The following BIRC6 variants were observed in gnomAD, a reference collection of about 807,000 sequenced individuals.
BIRC6 encodes baculoviral IAP repeat containing 6.
A neutral mutation model predicts 503.3 loss-of-function variants in BIRC6; 98 were observed. That is an observed-to-expected ratio of 0.19 (90% confidence interval 0.17 to 0.23). The LOEUF (loss-of-function observed/expected upper bound fraction) is 0.23. Ranked by LOEUF, BIRC6 falls within the 10% of genes least tolerant of loss-of-function variation. The pLI is 1.00. For synonymous variants in BIRC6, 2,240 were observed against 2,078.7 expected, an observed-to-expected ratio of 1.08 and a Z score of -2.11; for missense variants, 5,360 against 5,806.0, an observed-to-expected ratio of 0.92 and a Z score of 2.50.
chr2:32,435,682 T>C (rs112368610), intron 14 of BIRC6, 97 bp downstream of exon 14: 2 of 1,320,116 alleles, frequency 1.5e-6, no homozygotes, highest in Non-Finnish European at 2.0e-6. Context: ...TTGCAAAAAC[T>C]TGGTTTCAAG....
intron 65 of BIRC6, chr2:32,574,530 G>A (rs1378270731): frequency 6.4e-6 from 1 of 156,010 alleles, no homozygotes; most frequent in Non-Finnish European, 1.4e-5. Context: ...ATTATATACT[G>A]TAAGGTAAGG....
In BIRC6 at chr2:32,414,755, G is replaced by T. The variant is rs773416366; in HGVS notation, c.1478-14G>T. The T allele has an allele frequency of 1.9e-6, 3 of 1,596,136 alleles. No individual in the cohort carries two copies. Among genetic ancestry groups the T allele is most frequent in the Middle Eastern group, 1.7e-4 (1 of 5,992 alleles). On this transcript the variant is annotated splice_polypyrimidine_tract_variant and intron_variant, in intron 9 of 73. Coordinates refer to ENST00000421745, the MANE Select transcript of BIRC6 (RefSeq NM_016252.4). ...AGTAGAAACATATCTAATGAATATTGTTCCTTTTTAAAGGGCATACATCAC... is the reference window on the plus strand; with the variant it reads ...AGTAGAAACATATCTAATGAATATTTTTCCTTTTTAAAGGGCATACATCAC...
intron 56 of BIRC6, 124 bp from the exon 57 acceptor site, chr2:32,518,693 C>A: frequency 8.4e-7 from 1 of 1,195,768 alleles, no homozygotes; most frequent in Non-Finnish European, 1.1e-6. Context: ...TATGCCATAT[C>A]TAAATTAATT....
At chr2:32,451,441 C>A (rs766429231) in intron 22 of BIRC6, among the ~76,000 whole-genome samples, 24 of 152,164 alleles carry the variant, frequency 1.6e-4, no homozygotes, top group Non-Finnish European at 3.1e-4. Flanking sequence ...ATTTCGTTGA[C>A]ATTTTTATCG....
chr2:32,509,067 A>T (rs1369962565), intron 51 of BIRC6, among the ~76,000 whole-genome samples: 1 of 138,532 alleles, frequency 7.2e-6, no homozygotes, highest in Non-Finnish European at 1.6e-5. Flanking sequence ...CTCTGTCTTT[A>T]AAAAAAAAAA....
chr2:32,578,153 A>G (rs1276933717), intron 66 of BIRC6, among the ~76,000 whole-genome samples: 3 of 152,166 alleles, frequency 2.0e-5, no homozygotes, highest in Non-Finnish European at 4.4e-5. Flanking sequence ...CTACATCTCT[A>G]CTTTCAAGGT....
At position 32,464,491 on chromosome 2, in the gene BIRC6, C is replaced by T. The variant is rs1466611976; in HGVS notation, c.4942-18C>T. ...AGGCAGGATTAGTCTATATATGTTG[C>T]TTTTACTTCTTTTGCAGAAAGCAAA... On this transcript the variant is annotated intron_variant, in intron 24 of 73. Transcript: ENST00000421745. The T allele has an allele frequency of 4.5e-6, 7 of 1,546,150 alleles. No homozygotes were observed. The highest frequency in any genetic ancestry group is 4.1e-5 in the African/African-American group (3 of 72,926).
chr2:32,391,141 G>T (rs1343865613), intron 4 of BIRC6, among the ~76,000 whole-genome samples: 1 of 152,220 alleles, frequency 6.6e-6, no homozygotes, highest in Non-Finnish European at 1.5e-5. Context: ...AACAGTTGCA[G>T]TGTTTCTAAA....
At chr2:32,381,308 C>G (rs1398297163) in intron 3 of BIRC6, among the ~76,000 whole-genome samples, 2 of 152,164 alleles carry the variant, frequency 1.3e-5, no homozygotes, top group African/African-American at 4.8e-5. Flanking sequence ...GGCACAATCT[C>G]GGCTCACTGC....
At chr2:32,416,648 A>G (rs2042402415) in intron 10 of BIRC6, among the ~76,000 whole-genome samples, 1 of 151,984 alleles carries the variant, frequency 6.6e-6, no homozygotes, top group Non-Finnish European at 1.5e-5. Context: ...TGCTAAATAC[A>G]TTTTTTTGTC....
At chr2:32,369,983 T>TGC (rs1274284500) in intron 1 of BIRC6, among the ~76,000 whole-genome samples, 1 of 44,898 alleles carries the variant, frequency 2.2e-5, no homozygotes, top group Non-Finnish European at 4.1e-5. Flanking sequence ...TATATATATA[T>TGC]ATGTATGTAT....
intron 14 of BIRC6, 137 bp downstream of exon 14, chr2:32,435,722 G>A (rs1302023679): frequency 3.1e-6 from 3 of 954,576 alleles, no homozygotes; most frequent in South Asian, 2.3e-5. Context: ...CTATAATTCT[G>A]CTTTGGCAAT....
chr2:32,499,966 G>A lies in BIRC6; in HGVS notation c.8888G>A (p.Gly2963Asp). The change falls in exon 46 of 74, where the codon GGC becomes GAC. Residue 2963 changes from glycine (G) to aspartate (D), a missense_variant. Around this residue, in one of 16 missense-constraint regions of BIRC6, gnomAD observed 2,299 missense variants for 2,267.2 expected, o/e 1.01. Coordinates refer to ENST00000421745, the MANE Select transcript of BIRC6 (RefSeq NM_016252.4). Reference sequence around the variant, plus strand: ...TCAGATGAAGAAAAAGTCTCAGGAGGCAAAGATGGCAATGGAAGCAGTACC... The same window carrying A: ...TCAGATGAAGAAAAAGTCTCAGGAGACAAAGATGGCAATGGAAGCAGTACC... ...SVSDEEKVSG[G>D]KDGNGSSTSV... 1.2e-6 allele frequency: 2 copies of A among 1,613,950 alleles called. No individual in the cohort carries two copies. The highest frequency in any genetic ancestry group is 1.7e-6 in the Non-Finnish European group (2 of 1,179,868).
chr2:32,501,620 C>T, intron 46 of BIRC6, 93 bp from the exon 47 acceptor site: 3 of 1,069,828 alleles, frequency 2.8e-6, no homozygotes, highest in Non-Finnish European at 3.9e-6. Context: ...ATCCACCTGC[C>T]TCGGCCTCCC....
chr2:32,412,232 C>G (rs1459664203), intron 9 of BIRC6, among the ~76,000 whole-genome samples: 1 of 152,174 alleles, frequency 6.6e-6, no homozygotes, highest in African/African-American at 2.4e-5. Flanking sequence ...GGCATGGTGG[C>G]TCATGTCTAT....
intron 62 of BIRC6, 96 bp downstream of exon 62, chr2:32,543,637 T>C (rs2057838275): frequency 8.1e-7 from 1 of 1,231,412 alleles, no homozygotes; most frequent in Non-Finnish European, 1.1e-6. Context: ...ATTTCCTTCA[T>C]AGTTAAGCTG....
intron 42 of BIRC6, 128 bp downstream of exon 42, chr2:32,488,842 C>G: frequency 1.5e-6 from 1 of 664,680 alleles, no homozygotes; most frequent in Non-Finnish European, 2.3e-6. Context: ...AACAGAATAC[C>G]TTTTTAAAAA....
At chr2:32,591,118 T>C (rs994317070) in intron 66 of BIRC6, 1 of 393,328 alleles carries the variant, frequency 2.5e-6, no homozygotes, top group Non-Finnish European at 3.5e-6. Flanking sequence ...GTGTGTGTTC[T>C]TCATATATTC....
At chr2:32,544,351 G>A (rs1426087690) in intron 62 of BIRC6, among the ~76,000 whole-genome samples, 1 of 151,958 alleles carries the variant, frequency 6.6e-6, no homozygotes, top group Non-Finnish European at 1.5e-5. Flanking sequence ...TGATAACATA[G>A]AATAATAAGA....
Sources: gnomAD v4.1 joint callset for allele counts (sites outside exome capture counted in the v4.1 genomes callset) on GRCh38, gnomAD v4.1.1 for gene constraint, gnomAD v4.1.1 regional missense constraint, MANE v1.5 for transcripts, NCBI Gene and HGNC (gene_info 2026-07-23, HGNC 2026-07-21) for gene names.